Variants in OR1L8 observed in about 807,000 individuals in gnomAD.
OR1L8 encodes the protein olfactory receptor family 1 subfamily L member 8, also known as olfactory receptor 1L8.
For synonymous variants in OR1L8, 148 were observed against 147.0 expected (o/e 1.01, Z -0.05); for missense variants, 330 against 377.4 (o/e 0.87, Z 1.04).
At chr9:122,548,838 G>T in the OR1L8 span, among the ~76,000 whole-genome samples, 6 of 141,884 alleles carry the variant, frequency 4.2e-5, no homozygotes, top group East Asian at 6.3e-4. Flanking sequence ...TTGTTGAGCT[G>T]TTTGACTTCC....
At chr9:122,554,232 A>G in the OR1L8 span, 2 of 1,198,364 alleles carry the variant, frequency 1.7e-6, no homozygotes, top group African/African-American at 1.5e-5. Context: ...CAGTAATTCT[A>G]CTACTGTCAT....
Position 122,567,453 on chromosome 9 carries a change from T to C in OR1L8, c.*95A>G, listed in dbSNP as rs1432509747. On this transcript the variant is annotated 3_prime_UTR_variant, in exon 5 of 5. Transcript: ENST00000641027. ...CTTGTCTCACATGGGTCAGAAGTGC[T>C]AGCTTCCAACAGCTTTGACTGTTCA... 1.1e-6 allele frequency: 1 copy of C among 923,678 alleles called. No individual in the cohort carries two copies. The highest frequency in any genetic ancestry group is 1.7e-6 in the Non-Finnish European group (1 of 605,206). The allele number at this position is 923,678 out of a possible 1,614,324, so 57.2% of individuals were successfully genotyped here.
At chr9:122,552,757 T>A in the OR1L8 span, among the ~76,000 whole-genome samples, 1 of 75,408 alleles carries the variant, frequency 1.3e-5, no homozygotes, top group East Asian at 2.6e-4. Flanking sequence ...TGAGTGTGTG[T>A]GTGTGTGTGT....
the OR1L8 span, among the ~76,000 whole-genome samples, chr9:122,555,622 C>G: frequency 6.6e-6 from 1 of 152,206 alleles, no homozygotes; most frequent in Non-Finnish European, 1.5e-5. Flanking sequence ...ATATCTACCT[C>G]AAGGAATTGG....
At chr9:122,574,082 C>T (rs757058424) in intron 3 of OR1L8, among the ~76,000 whole-genome samples, 37 of 152,100 alleles carry the variant, frequency 2.4e-4, no homozygotes, top group Admixed American at 1.9e-3. Context: ...ATCTATTTGC[C>T]TATTCTTTTG....
At chr9:122,558,065 T>C in the OR1L8 span, among the ~76,000 whole-genome samples, 3 of 151,910 alleles carry the variant, frequency 2.0e-5, no homozygotes, top group Non-Finnish European at 4.4e-5. Flanking sequence ...TTTTATTCAT[T>C]TCTGATATTA....
the OR1L8 span, chr9:122,553,445 T>C: frequency 6.2e-7 from 1 of 1,614,194 alleles, no homozygotes; most frequent in Non-Finnish European, 8.5e-7. Context: ...GTTTCACTTC[T>C]GCCTCCATCC....
chr9:122,551,805 G>A, the OR1L8 span, among the ~76,000 whole-genome samples: 1 of 152,068 alleles, frequency 6.6e-6, no homozygotes, highest in East Asian at 1.9e-4. Flanking sequence ...ATAACCTTAA[G>A]AGATATTCCT....
intron 3 of OR1L8, among the ~76,000 whole-genome samples, chr9:122,574,287 G>A (rs993819595): frequency 2.0e-5 from 3 of 152,240 alleles, no homozygotes; most frequent in East Asian, 1.9e-4. Flanking sequence ...TTTATACACC[G>A]AATTCAGGAG....
At chr9:122,562,302 A>G (rs1032473505), downstream of OR1L8, among the ~76,000 whole-genome samples, 5 of 152,176 alleles carry the variant, frequency 3.3e-5, no homozygotes, top group Non-Finnish European at 5.9e-5. Flanking sequence ...TCCCGCAGGG[A>G]GCTTAGACAG....
chr9:122,565,788 C>G (rs1273157719), downstream of OR1L8, among the ~76,000 whole-genome samples: 1 of 152,200 alleles, frequency 6.6e-6, no homozygotes, highest in Non-Finnish European at 1.5e-5. Context: ...ATGGATCATG[C>G]TCTTTGCTTT....
At position 122,581,344 on chromosome 9, in the gene OR1L8, G is replaced by A. The variant is rs534443142; in HGVS notation, c.-600+1977C>T. Among the ~76,000 whole-genome samples the A allele has an allele frequency of 5.9e-5, 9 of 151,572 alleles. No homozygotes were observed. The South Asian group carries it at 1.5e-3, about 25-fold the overall frequency. On this transcript the variant is annotated intron_variant, in intron 1 of 4. Transcript: ENST00000641027. ...TGGCGCCACTGCACTCCAGCCTGGCGACAGAGCAAGACTCCGTCTCAAAAC... is the reference window on the plus strand; with the variant it reads ...TGGCGCCACTGCACTCCAGCCTGGCAACAGAGCAAGACTCCGTCTCAAAAC...
At position 122,578,448 on chromosome 9, in the gene OR1L8, CAAA is replaced by C. The variant is rs59916969; in HGVS notation, c.-599-6_-599-4del. On this transcript the variant is annotated splice_region_variant and splice_polypyrimidine_tract_variant and intron_variant, in intron 1 of 4. Coordinates refer to ENST00000641027, the MANE Select transcript of OR1L8 (RefSeq NM_001004454.2). ...TGGGCGACAGTGCAAGACTCCATCT[CAAA>C]AAAAAAAAAAAAAAGACATCATTAT... 1.7e-4 allele frequency: 19 copies of C among 115,038 alleles called. No homozygotes were observed. Among genetic ancestry groups the C allele is most frequent in the Admixed American group, 3.6e-4 (4 of 11,262 alleles). 7.1% of individuals were successfully genotyped at this position (115,038 alleles called of 1,614,324 possible).
chr9:122,562,959 T>G (rs1829375628), downstream of OR1L8, among the ~76,000 whole-genome samples: 1 of 152,246 alleles, frequency 6.6e-6, no homozygotes, highest in South Asian at 2.1e-4. Flanking sequence ...TTGGCTGTTG[T>G]AAATAGTGCT....
the OR1L8 span, among the ~76,000 whole-genome samples, chr9:122,549,949 C>T: frequency 6.6e-6 from 1 of 152,012 alleles, no homozygotes; most frequent in Non-Finnish European, 1.5e-5. Flanking sequence ...TTGCTTTGGG[C>T]AGCATGGTAA....
Position 122,568,431 on chromosome 9 carries a change from A to C in OR1L8, c.47T>G (p.Leu16Arg). 6.2e-7 allele frequency: 1 copy of C among 1,611,798 alleles called. No individual in the cohort carries two copies. Among genetic ancestry groups the C allele is most frequent in the Non-Finnish European group, 8.5e-7 (1 of 1,178,584 alleles). The change falls in exon 5 of 5, where the codon CTG (leucine) becomes CGG (arginine). Residue 16 changes from leucine to arginine, a missense_variant. Leu to Arg is a moderately radical substitution (Grantham distance 102, BLOSUM62 -2). Coordinates refer to ENST00000641027, the MANE Select transcript of OR1L8 (RefSeq NM_001004454.2). The stretch of plus-strand genomic sequence containing the variant: ...GTCCTCAGGCCGGGAGGAGAGTCCC[A>C]GGAGGATAAACTCGGAGACACTGCT... ...HTSSVSEFILLGLSSRPEDQK... is the reference protein window; with the variant it reads ...HTSSVSEFILRGLSSRPEDQK...
intron 3 of OR1L8, among the ~76,000 whole-genome samples, chr9:122,576,386 T>C (rs573954546): frequency 8.5e-6 from 1 of 117,772 alleles, no homozygotes; most frequent in African/African-American, 3.7e-5. Context: ...CACGCCCAGC[T>C]AATTTTTTTT....
At chr9:122,556,276 T>G in the OR1L8 span, among the ~76,000 whole-genome samples, 11 of 141,820 alleles carry the variant, frequency 7.8e-5, no homozygotes, top group Non-Finnish European at 1.1e-4. Context: ...TGTCTGTGTC[T>G]AGATTCTTTT....
At chr9:122,571,192 G>T (rs1215558489) in intron 4 of OR1L8, among the ~76,000 whole-genome samples, 1 of 152,090 alleles carries the variant, frequency 6.6e-6, no homozygotes, top group Non-Finnish European at 1.5e-5. Context: ...CTTTCTGTGT[G>T]GTACAGATGG....
Sources: gnomAD v4.1 joint callset for allele counts (sites outside exome capture counted in the v4.1 genomes callset) on GRCh38, gnomAD v4.1.1 for gene constraint, MANE v1.5 for transcripts, NCBI Gene and HGNC (gene_info 2026-07-23, HGNC 2026-07-21) for gene names.